RAD51B: variants seen among roughly 807,000 people sequenced by gnomAD.
The protein encoded by RAD51B is DNA repair protein RAD51 homolog 2.
In RAD51B, 38 loss-of-function variants were observed where a neutral mutation model predicts 42.2. The ratio of observed to expected loss-of-function variants is 0.90; its 90% CI spans 0.70 to 1.18. The LOEUF (loss-of-function observed/expected upper bound fraction) is 1.18. Ranked by LOEUF, RAD51B falls within the 50% of genes most tolerant of loss-of-function variation. RAD51B has a pLI of 0.00. For synonymous variants in RAD51B, 154 were observed against 145.2 expected (o/e 1.06, Z -0.43); for missense variants, 373 against 400.7 (o/e 0.93, Z 0.59).
intron 11 of RAD51B, among the ~76,000 whole-genome samples, chr14:68,661,169 C>G (rs372545787): frequency 6.6e-6 from 1 of 152,130 alleles, no homozygotes; most frequent in Admixed American, 6.5e-5. Context: ...TCTGAGTATC[C>G]GTGGTTTCCC....
Position 68,078,717 on chromosome 14 carries a change from C to T in RAD51B, c.756+191513C>T, listed in dbSNP as rs140749433. ...TTTAATTATAACTTGGGGCTGGACA[C>T]GGTGGCTCATGCCCGTAGTCCCAGC... is the stretch of plus-strand genomic sequence containing the variant. On this transcript the variant is annotated intron_variant, in intron 7 of 10. Coordinates refer to ENST00000471583, the MANE Select transcript of RAD51B (RefSeq NM_133510.4). 1.3e-3 allele frequency among the ~76,000 whole-genome samples: 197 copies of T among 152,188 alleles called. 1 individual carries two copies. The highest frequency in any genetic ancestry group is 4.5e-3 in the African/African-American group (185 of 41,542).
At chr14:68,050,203 G>A (rs548335500) in intron 7 of RAD51B, among the ~76,000 whole-genome samples, 2 of 152,036 alleles carry the variant, frequency 1.3e-5, no homozygotes, top group Non-Finnish European at 2.9e-5. Flanking sequence ...TGATGGTAAA[G>A]CTGGTACCCT....
chr14:68,196,146 G>A (rs547580514), intron 7 of RAD51B, among the ~76,000 whole-genome samples: 38 of 147,398 alleles, frequency 2.6e-4, no homozygotes, highest in African/African-American at 9.4e-4. Flanking sequence ...AGCAGAGATT[G>A]CGCCACTGCA....
chr14:68,176,537 C>T (rs963139255), intron 7 of RAD51B, among the ~76,000 whole-genome samples: 2 of 152,152 alleles, frequency 1.3e-5, no homozygotes, highest in Admixed American at 6.5e-5. Flanking sequence ...GATGATTTCT[C>T]TATGAGGAAA....
intron 9 of RAD51B, among the ~76,000 whole-genome samples, chr14:68,464,576 A>G (rs2085927061): frequency 6.6e-6 from 1 of 152,354 alleles, no homozygotes; most frequent in Admixed American, 6.5e-5. Flanking sequence ...TGTACATTCT[A>G]CTAGAGGTTG....
In RAD51B at chr14:68,529,857, C is replaced by G. The variant is rs898136311; in HGVS notation, c.1036+61607C>G. On this transcript the variant is annotated intron_variant, in intron 10 of 10. Transcript: ENST00000487270. ...TTTAAACTAAATTTGCCTAAATACT[C>G]AAAGAGAAATAACATCTACTTTAAA... 2.0e-5 allele frequency among the ~76,000 whole-genome samples: 3 copies of G among 151,940 alleles called. No individual in the cohort carries two copies. In the South Asian group the frequency reaches 6.2e-4, roughly 31 times the overall value.
At chr14:68,236,936 G>T (rs1428228053) in intron 7 of RAD51B, among the ~76,000 whole-genome samples, 1 of 152,186 alleles carries the variant, frequency 6.6e-6, no homozygotes, top group Non-Finnish European at 1.5e-5. Context: ...TGTTCCTTAA[G>T]TCTCTGAGAA....
intron 8 of RAD51B, among the ~76,000 whole-genome samples, chr14:68,322,588 C>T (rs2139769463): frequency 6.6e-6 from 1 of 152,286 alleles, no homozygotes; most frequent in South Asian, 2.1e-4. Flanking sequence ...ATAAGTGGTA[C>T]TCTATCCATG....
At chr14:67,827,651 GC>G (rs2040878428) in intron 3 of RAD51B, among the ~76,000 whole-genome samples, 1 of 152,034 alleles carries the variant, frequency 6.6e-6, no homozygotes, top group African/African-American at 2.4e-5. Flanking sequence ...CTCGCAACAG[GC>G]CCCAATGTGT....
intron 7 of RAD51B, among the ~76,000 whole-genome samples, chr14:68,182,614 T>C (rs2079078066): frequency 6.6e-6 from 1 of 152,224 alleles, no homozygotes; most frequent in Non-Finnish European, 1.5e-5. Context: ...TACACATGGG[T>C]GTTCATGTGG....
chr14:68,665,344 A>C (rs1364979532), intron 11 of RAD51B, among the ~76,000 whole-genome samples: 1 of 152,258 alleles, frequency 6.6e-6, no homozygotes, highest in African/African-American at 2.4e-5. Flanking sequence ...ATTGAGTTTT[A>C]AGTTAAAAGA....
chr14:67,874,442 T>G (rs909995840), intron 5 of RAD51B, among the ~76,000 whole-genome samples: 4 of 151,856 alleles, frequency 2.6e-5, no homozygotes, highest in African/African-American at 9.7e-5. Flanking sequence ...TTAAAGCCCA[T>G]CAGCTATCAT....
chr14:68,416,610 T>C (rs2084567467), intron 9 of RAD51B, among the ~76,000 whole-genome samples: 1 of 152,278 alleles, frequency 6.6e-6, no homozygotes. Context: ...ATTTAACCAT[T>C]CCTTTAAAAT....
At chr14:68,532,261 A>G (rs1887359222) in intron 10 of RAD51B, among the ~76,000 whole-genome samples, 1 of 152,214 alleles carries the variant, frequency 6.6e-6, no homozygotes. Flanking sequence ...AATGGAAAAG[A>G]AACAACAACA....
At chr14:68,371,227 T>C (rs2083257158) in intron 8 of RAD51B, among the ~76,000 whole-genome samples, 2 of 151,256 alleles carry the variant, frequency 1.3e-5, no homozygotes, top group South Asian at 4.2e-4. Context: ...TTAAGAGTTC[T>C]GTCCTAGAGG....
chr14:68,343,856 C>G (rs1432096492), intron 8 of RAD51B, among the ~76,000 whole-genome samples: 1 of 152,242 alleles, frequency 6.6e-6, no homozygotes, highest in East Asian at 1.9e-4. Flanking sequence ...CAAAGGGCCC[C>G]AAGTACAGCT....
rs78346384 is a variant in RAD51B at position 68,441,458 on chromosome 14, A to G, written c.958-26714A>G. 2.4e-5 allele frequency among the ~76,000 whole-genome samples: 3 copies of G among 122,906 alleles called. 1 individual carries two copies. Among genetic ancestry groups the G allele is most frequent in the African/African-American group, 8.7e-5 (3 of 34,608 alleles). The allele number at this position is 122,906 out of a possible 152,430, so 80.6% of individuals were successfully genotyped here. A position where few individuals can be genotyped will look rare whatever the true frequency, so the allele number is the denominator to read the frequency against. On this transcript the variant is annotated intron_variant, in intron 9 of 10. Transcript: ENST00000471583. ...TCGGGAAGCTGAGGCAGGAGAATGG[A>G]GTGAACCCGGGAGGAGGAGTTTGCA...
At chr14:68,521,723 G>A (rs1229389495) in intron 10 of RAD51B, among the ~76,000 whole-genome samples, 2 of 152,178 alleles carry the variant, frequency 1.3e-5, no homozygotes, top group Non-Finnish European at 2.9e-5. Context: ...CACTGTTCCT[G>A]CAGCAGCTTC....
chr14:68,469,356 T>C (rs188774635), intron 10 of RAD51B, among the ~76,000 whole-genome samples: 1 of 152,356 alleles, frequency 6.6e-6, no homozygotes, highest in Non-Finnish European at 1.5e-5. Flanking sequence ...TTCCCTTTCC[T>C]TCCCCTTCTA....
Sources: allele counts gnomAD v4.1 joint callset (sites outside exome capture counted in the v4.1 genomes callset), GRCh38; gene constraint gnomAD v4.1.1; transcripts MANE v1.5; gene names NCBI Gene and HGNC (gene_info 2026-07-23, HGNC 2026-07-21).